SAMMSON: variants seen among roughly 807,000 people sequenced by gnomAD.
The protein encoded by SAMMSON is long intergenic non-protein coding RNA 1212.
chr3:70,213,435 T>C (rs978246381), intron 4 of SAMMSON, among the ~76,000 whole-genome samples: 1 of 152,152 alleles, frequency 6.6e-6, no homozygotes, highest in African/African-American at 2.4e-5. Context: ...ATTTCAAACG[T>C]ATAGACCATT....
chr3:70,147,877 A>G (rs2067555740), intron 4 of SAMMSON, among the ~76,000 whole-genome samples: 1 of 152,090 alleles, frequency 6.6e-6, no homozygotes, highest in East Asian at 1.9e-4. Context: ...GCAGCCTGGG[A>G]TAAAAGTATT....
intron 3 of SAMMSON, among the ~76,000 whole-genome samples, chr3:70,038,961 G>C (rs2067096314): frequency 6.6e-6 from 1 of 152,044 alleles, no homozygotes; most frequent in Non-Finnish European, 1.5e-5. Context: ...GGAGTATCCT[G>C]GTCAGTTTTC....
chr3:70,377,227 GGAGATAGTTAATTTCTAGAAATT>G (rs1456215795), intron 9 of SAMMSON, among the ~76,000 whole-genome samples: 1 of 152,178 alleles, frequency 6.6e-6, no homozygotes, highest in African/African-American at 2.4e-5. Flanking sequence ...AGAAATCATG[GGAGATAGTTAATTTCTAGAAATT>G]AAGATCGGCT....
At chr3:70,405,141 A>G (rs932283962) in intron 2 of SAMMSON, among the ~76,000 whole-genome samples, 3 of 152,146 alleles carry the variant, frequency 2.0e-5, no homozygotes, top group Admixed American at 6.5e-5. Flanking sequence ...ACTCTAAACA[A>G]TGGGGCATTT....
intron 4 of SAMMSON, among the ~76,000 whole-genome samples, chr3:70,208,117 T>TA (rs1338336826): frequency 6.6e-6 from 1 of 152,086 alleles, no homozygotes; most frequent in African/African-American, 2.4e-5. Flanking sequence ...AGTTAGCTTA[T>TA]AACTTCCTTA....
At chr3:70,227,458 T>C (rs1314883406) in intron 4 of SAMMSON, among the ~76,000 whole-genome samples, 1 of 152,198 alleles carries the variant, frequency 6.6e-6, no homozygotes, top group African/African-American at 2.4e-5. Flanking sequence ...AACAGACCAC[T>C]GACTTTGGCA....
chr3:70,385,374 C>A lies in SAMMSON; in HGVS notation n.914-4200C>A, dbSNP rs187970368. Among the ~76,000 whole-genome samples the A allele has an allele frequency of 2.0e-4, 31 of 152,188 alleles. No individual in the cohort carries two copies. The East Asian group carries it at 6.0e-3, about 29-fold the overall frequency. The stretch of plus-strand genomic sequence containing the variant: ...TGAAGACAAAGGCCAAAATTGGGCA[C>A]AGCTATTAGCCTCAGAACATTTCAT... On this transcript the variant is annotated intron_variant and non_coding_transcript_variant, in intron 9 of 9. Coordinates refer to ENST00000642114, the Ensembl canonical transcript of SAMMSON.
chr3:70,208,647 A>G (rs1701313080), intron 4 of SAMMSON, among the ~76,000 whole-genome samples: 1 of 152,026 alleles, frequency 6.6e-6, no homozygotes, highest in Non-Finnish European at 1.5e-5. Flanking sequence ...GATCTTCTGC[A>G]TTTGAGACAA....
intron 9 of SAMMSON, among the ~76,000 whole-genome samples, chr3:70,367,898 G>A (rs1421075643): frequency 6.7e-6 from 1 of 149,262 alleles, no homozygotes; most frequent in Non-Finnish European, 1.5e-5. Context: ...TCTTTTGTTT[G>A]TTTTTGTTTT....
chr3:70,095,076 G>A (rs6783102), intron 4 of SAMMSON, among the ~76,000 whole-genome samples: 68,425 of 151,978 alleles, frequency 0.45, 16,668 homozygotes, highest in Non-Finnish European at 0.52. Context: ...GTTAGCTTTG[G>A]CTAGTAAGCG....
At chr3:70,129,070 A>G (rs2067470082) in intron 4 of SAMMSON, among the ~76,000 whole-genome samples, 1 of 152,212 alleles carries the variant, frequency 6.6e-6, no homozygotes, top group Admixed American at 6.5e-5. Flanking sequence ...TAAAAATAAC[A>G]GAAAAGAGCA....
intron 9 of SAMMSON, among the ~76,000 whole-genome samples, chr3:70,365,977 T>A (rs1308566545): frequency 8.2e-3 from 144 of 17,634 alleles, no homozygotes; most frequent in Middle Eastern, 0.033. Flanking sequence ...TTTCTTTTTT[T>A]TTTTTTTTTT....
At chr3:70,038,827 A>G (rs2067095899) in intron 3 of SAMMSON, among the ~76,000 whole-genome samples, 1 of 152,168 alleles carries the variant, frequency 6.6e-6, no homozygotes, top group Non-Finnish European at 1.5e-5. Flanking sequence ...TGGAGTCAGA[A>G]TAGCATAATT....
At chr3:70,123,321 C>T (rs2067442828) in intron 4 of SAMMSON, among the ~76,000 whole-genome samples, 1 of 152,184 alleles carries the variant, frequency 6.6e-6, no homozygotes, top group South Asian at 2.1e-4. Flanking sequence ...GGCTGGAGTA[C>T]AGTGGTGTGA....
At chr3:70,425,936 C>T (rs967468072) in intron 2 of SAMMSON, among the ~76,000 whole-genome samples, 3 of 152,098 alleles carry the variant, frequency 2.0e-5, no homozygotes, top group Non-Finnish European at 4.4e-5. Context: ...CATCTGCAGC[C>T]AAGGCTCTTA....
At chr3:70,171,978 G>C (rs1380920582) in intron 4 of SAMMSON, among the ~76,000 whole-genome samples, 3 of 151,902 alleles carry the variant, frequency 2.0e-5, no homozygotes, top group Non-Finnish European at 2.9e-5. Context: ...GATTTGAAAA[G>C]TAAGCAGTGA....
intron 2 of SAMMSON, among the ~76,000 whole-genome samples, chr3:70,419,395 G>C (rs1701294116): frequency 6.6e-6 from 1 of 152,036 alleles, no homozygotes; most frequent in South Asian, 2.1e-4. Context: ...TATGCATGGG[G>C]GGAAGAGGTC....
intron 4 of SAMMSON, among the ~76,000 whole-genome samples, chr3:70,097,316 C>CT (rs1168516170): frequency 6.6e-6 from 1 of 152,220 alleles, no homozygotes; most frequent in Non-Finnish European, 1.5e-5. Flanking sequence ...ATGAGGCCTA[C>CT]TGTTCTTTGA....
chr3:70,347,490 C>T (rs913744632), intron 7 of SAMMSON, among the ~76,000 whole-genome samples: 10 of 152,174 alleles, frequency 6.6e-5, no homozygotes, highest in East Asian at 1.9e-4. Context: ...GAGAAGGGCC[C>T]GAGGAAGTAT....
Sources: allele counts gnomAD v4.1 joint callset (sites outside exome capture counted in the v4.1 genomes callset), GRCh38; gene constraint gnomAD v4.1.1; transcripts MANE v1.5; gene names NCBI Gene and HGNC (gene_info 2026-07-23, HGNC 2026-07-21).